Variants in WFDC1 observed in about 807,000 individuals in gnomAD.
WFDC1 encodes WAP four-disulfide core domain protein 1.
In WFDC1, 39 loss-of-function variants were observed where a neutral mutation model predicts 32.9. The ratio of observed to expected loss-of-function variants is 1.19; its 90% CI spans 0.92 to 1.55. The LOEUF (loss-of-function observed/expected upper bound fraction) is 1.55, where lower values mean the gene tolerates loss of function less well. Ranked by LOEUF, WFDC1 falls within the 40% of genes most tolerant of loss-of-function variation. The pLI is 0.00. For synonymous variants in WFDC1, 184 were observed against 137.4 expected, an observed-to-expected ratio of 1.34 and a Z score of -2.37; for missense variants, 386 against 309.5, an observed-to-expected ratio of 1.25 and a Z score of -1.85.
At chr16:84,318,402 T>G (rs1214132042) in intron 3 of WFDC1, 47 bp downstream of exon 3, 1 of 1,586,708 alleles carries the variant, frequency 6.3e-7, no homozygotes, top group Admixed American at 1.7e-5. Flanking sequence ...CCTCGATCCC[T>G]CCTTCTCAGC....
rs1462659257 is a variant in WFDC1, at chr16:84,324,415, C to T, written c.563-4C>T. The T allele has an allele frequency of 6.2e-7, 1 of 1,613,608 alleles. No homozygotes were observed. Among genetic ancestry groups the T allele is most frequent in the African/African-American group, 1.3e-5 (1 of 75,014 alleles). ...GAAGTTTTTTCCTCTCACTTGTTTT[C>T]CAGATGGGCGAATCCTACGACACAA... On this transcript the variant is annotated splice_region_variant and splice_polypyrimidine_tract_variant and intron_variant, in intron 4 of 6. Coordinates refer to ENST00000219454, the MANE Select transcript of WFDC1 (RefSeq NM_021197.4).
chr16:84,323,546 C>T (rs1908424032), intron 4 of WFDC1, among the ~76,000 whole-genome samples: 1 of 152,204 alleles, frequency 6.6e-6, no homozygotes, highest in African/African-American at 2.4e-5. Context: ...TACGGCTCAT[C>T]CTAATACTGC....
intron 4 of WFDC1, among the ~76,000 whole-genome samples, chr16:84,321,656 C>G (rs7403967): frequency 0.87 from 132,365 of 152,248 alleles, 57,741 homozygotes; most frequent in East Asian, 0.99. Context: ...CAGAGCTAAG[C>G]AAAGAGGGTC....
intron 4 of WFDC1, among the ~76,000 whole-genome samples, chr16:84,322,991 C>A (rs1908394922): frequency 6.6e-6 from 1 of 152,138 alleles, no homozygotes; most frequent in Non-Finnish European, 1.5e-5. Context: ...TATATTTGGC[C>A]TGAGGAGGGG....
intron 2 of WFDC1, among the ~76,000 whole-genome samples, chr16:84,315,015 A>G (rs1287898938): frequency 6.6e-6 from 1 of 152,240 alleles, no homozygotes; most frequent in African/African-American, 2.4e-5. Context: ...AGAGAAGCTG[A>G]ATCATTTGCC....
Position 84,313,018 on chromosome 16 carries a change from C to A in WFDC1, c.202C>A (p.Pro68Thr). Residue 68 changes from proline to threonine, a missense_variant, in exon 2 of 7, where the codon CCG becomes ACG. Physicochemically the swap from Pro to Thr is conservative, Grantham distance 38. Coordinates refer to ENST00000219454, the MANE Select transcript of WFDC1 (RefSeq NM_021197.4). ...GCAGCCCCGAGCAGACCGCTGCCCG[C>A]CGCCTCCGCGGACGCTGCCCCCCGG... Reference protein sequence around the residue: ...PRQPRADRCPPPPRTLPPGAC... With the variant: ...PRQPRADRCPTPPRTLPPGAC... 7.7e-7 allele frequency: 1 copy of A among 1,302,344 alleles called. No homozygotes were observed. The highest frequency in any genetic ancestry group is 2.1e-5 in the South Asian group (1 of 46,652). 80.7% of individuals were successfully genotyped at this position (1,302,344 alleles called of 1,614,324 possible).
intron 1 of WFDC1, among the ~76,000 whole-genome samples, chr16:84,302,675 G>T (rs2097875112): frequency 6.6e-6 from 1 of 152,098 alleles, no homozygotes; most frequent in African/African-American, 2.4e-5. Context: ...ATTTGTTTAG[G>T]TTTCTCTCTA....
intron 1 of WFDC1, among the ~76,000 whole-genome samples, chr16:84,298,906 C>T (rs937413929): frequency 1.3e-5 from 2 of 152,178 alleles, no homozygotes; most frequent in Non-Finnish European, 2.9e-5. Flanking sequence ...TCAGGAGTTT[C>T]CTTCTCCTAT....
At chr16:84,324,544 C>A (rs1908478722) in intron 5 of WFDC1, 84 bp downstream of exon 5, 20 of 1,489,820 alleles carry the variant, frequency 1.3e-5, no homozygotes, top group Non-Finnish European at 1.8e-5. Context: ...AAAATAAAAG[C>A]CCAGGGCTGA....
chr16:84,313,080 G>C lies in WFDC1; in HGVS notation c.264G>C (p.Glu88Asp). 3 of 1,424,822 alleles carry C rather than the reference G, an allele frequency of 2.1e-6. No individual in the cohort carries two copies. The highest frequency in any genetic ancestry group is 2.7e-6 in the Non-Finnish European group (3 of 1,094,656). The allele number at this position is 1,424,822 out of a possible 1,614,324, so 88.3% of individuals were successfully genotyped here. The change falls in exon 2 of 7, where the codon GAG becomes GAC. Residue 88 changes from glutamate to aspartate, a missense_variant. Glu to Asp is a conservative substitution (Grantham distance 45). Transcript: ENST00000219454. ...CCGCGCGCTGTCAGGCGGACTCCGA[G>C]TGCCCGCGGCACCGGCGCTGCTGCT... ...CQAARCQADS[E>D]CPRHRRCCYN...
At chr16:84,312,636 C>G (rs1465951080) in intron 1 of WFDC1, among the ~76,000 whole-genome samples, 1 of 151,826 alleles carries the variant, frequency 6.6e-6, no homozygotes, top group South Asian at 2.1e-4. Context: ...ACATATATAC[C>G]ACATATATTA....
In WFDC1 at chr16:84,321,940, T is replaced by C. The variant is rs1440535434; in HGVS notation, c.562+2369T>C. ...AGATGGCGATGGTAACCATAGTGAC[T>C]ACTTCATGGGGTAGTTATGGGGCTT... is the stretch of plus-strand genomic sequence containing the variant. On this transcript the variant is annotated intron_variant, in intron 4 of 6. Coordinates refer to ENST00000219454, the MANE Select transcript of WFDC1 (RefSeq NM_021197.4). Among the ~76,000 whole-genome samples, 3 of 152,226 alleles carry C rather than the reference T, an allele frequency of 2.0e-5. No individual in the cohort carries two copies. In the East Asian group the frequency reaches 5.8e-4, roughly 29 times the overall value.
At chr16:84,309,860 G>C (rs1907508981) in intron 1 of WFDC1, among the ~76,000 whole-genome samples, 1 of 43,938 alleles carries the variant, frequency 2.3e-5, no homozygotes, top group African/African-American at 1.2e-4. Flanking sequence ...TGTGTGGGGG[G>C]GGCGTGCTTG....
intron 5 of WFDC1, chr16:84,325,640 A>T (rs79690797): frequency 6.6e-6 from 1 of 151,090 alleles, no homozygotes; most frequent in African/African-American, 2.4e-5. Context: ...ATATTCATCT[A>T]ATCTTTCATC....
chr16:84,300,471 A>G (rs1408786445), intron 1 of WFDC1, among the ~76,000 whole-genome samples: 1 of 152,182 alleles, frequency 6.6e-6, no homozygotes, highest in Non-Finnish European at 1.5e-5. Flanking sequence ...CCCCTCCCAA[A>G]TGTACTCCCT....
rs184992739 is a variant in WFDC1 at position 84,311,063 on chromosome 16, C to A, written c.145-1898C>A. On this transcript the variant is annotated intron_variant, in intron 1 of 6. Coordinates refer to ENST00000219454, the MANE Select transcript of WFDC1 (RefSeq NM_021197.4). ...CTCTGTGTGTGTGTGCAAATGAGCA[C>A]AAACTGCTCACCACGCACCCCATTT... is the stretch of plus-strand genomic sequence containing the variant. Among the ~76,000 whole-genome samples the A allele has an allele frequency of 7.2e-5, 11 of 152,268 alleles. No homozygotes were observed. In the East Asian group the frequency reaches 2.1e-3, roughly 29 times the overall value.
chr16:84,297,374 T>A (rs948230594), intron 1 of WFDC1, among the ~76,000 whole-genome samples: 105 of 152,082 alleles, frequency 6.9e-4, no homozygotes, highest in Non-Finnish European at 3.7e-4. Flanking sequence ...TCCCAGCACT[T>A]TGGGAGGCCG....
intron 1 of WFDC1, chr16:84,295,379 A>T (rs1188486221): frequency 1.0e-5 from 5 of 498,134 alleles, no homozygotes; most frequent in Non-Finnish European, 1.8e-5. Context: ...GCCTTGTTAC[A>T]AAAGTATGCT....
intron 2 of WFDC1, among the ~76,000 whole-genome samples, chr16:84,314,543 A>G (rs1239097489): frequency 6.6e-6 from 1 of 152,132 alleles, no homozygotes; most frequent in Non-Finnish European, 1.5e-5. Context: ...CAGAGATGGC[A>G]AGGATGACCT....
Sources: gnomAD v4.1 joint callset for allele counts (sites outside exome capture counted in the v4.1 genomes callset) on GRCh38, gnomAD v4.1.1 for gene constraint, MANE v1.5 for transcripts, NCBI Gene and HGNC (gene_info 2026-07-23, HGNC 2026-07-21) for gene names.